TPST1: variants seen among roughly 807,000 people sequenced by gnomAD.
TPST1 encodes protein-tyrosine sulfotransferase 1.
A neutral mutation model predicts 34.8 loss-of-function variants in TPST1; 20 were observed. The ratio of observed to expected loss-of-function variants is 0.57; its 90% confidence interval spans 0.40 to 0.84. TPST1 has a LOEUF of 0.84. TPST1 is among the 40% of genes least tolerant of loss of function. The probability of loss-of-function intolerance (pLI) is 0.00; values close to 1 mark genes in which losing one functional copy is unlikely to be tolerated. For missense variants in TPST1, 353 were observed against 455.5 expected, an observed-to-expected ratio of 0.78 and a Z score of 2.05; for synonymous variants, 152 against 159.4, an observed-to-expected ratio of 0.95 and a Z score of 0.35.
At chr7:66,284,728 T>G (rs1584207308) in intron 2 of TPST1, among the ~76,000 whole-genome samples, 1 of 152,086 alleles carries the variant, frequency 6.6e-6, no homozygotes, top group East Asian at 1.9e-4. Flanking sequence ...GGCTAATTTT[T>G]GTATTTTTAG....
chr7:66,206,690 C>A (rs1789137707), intron 1 of TPST1, among the ~76,000 whole-genome samples: 1 of 152,104 alleles, frequency 6.6e-6, no homozygotes, highest in African/African-American at 2.4e-5. Context: ...GGGTAACTTT[C>A]TTTTTAGGAA....
intron 1 of TPST1, among the ~76,000 whole-genome samples, chr7:66,207,987 C>G (rs1295337500): frequency 6.7e-6 from 1 of 149,596 alleles, no homozygotes; most frequent in Non-Finnish European, 1.5e-5. Context: ...TTTTTTCTCT[C>G]TCTTCATTGC....
intron 3 of TPST1, among the ~76,000 whole-genome samples, chr7:66,337,718 G>A (rs78109750): frequency 0.015 from 2,226 of 152,250 alleles, 62 homozygotes; most frequent in East Asian, 0.093. Flanking sequence ...GGCAATGGCG[G>A]TGTTAAAGTA....
In TPST1 at chr7:66,263,664, CT is replaced by C. The variant is rs1790531962; in HGVS notation, c.845+22399del. ...AGGACGAGCAGTTTGTTATTGTTATCTTTTTAGCCACACAGCATTGTAAATT... is the reference window on the plus strand; with the variant it reads ...AGGACGAGCAGTTTGTTATTGTTATCTTTTAGCCACACAGCATTGTAAATT... On this transcript the variant is annotated intron_variant, in intron 2 of 5. Coordinates refer to ENST00000304842, the MANE Select transcript of TPST1 (RefSeq NM_003596.4). 3.9e-5 allele frequency among the ~76,000 whole-genome samples: 6 copies of C among 152,118 alleles called. No homozygotes were observed. In the South Asian group the frequency reaches 1.2e-3, roughly 31 times the overall value.
chr7:66,342,777 A>G (rs1283171867), intron 3 of TPST1, among the ~76,000 whole-genome samples: 1 of 152,114 alleles, frequency 6.6e-6, no homozygotes, highest in African/African-American at 2.4e-5. Flanking sequence ...TCTTGCGTGA[A>G]CTATAGTTAT....
chr7:66,252,952 C>G (rs183212087), intron 2 of TPST1, among the ~76,000 whole-genome samples: 1 of 152,084 alleles, frequency 6.6e-6, no homozygotes, highest in Non-Finnish European at 1.5e-5. Context: ...ACCAGTTTCC[C>G]GGAACCATCT....
At chr7:66,243,610 ATT>A (rs10627680) in intron 2 of TPST1, among the ~76,000 whole-genome samples, 3 of 123,362 alleles carry the variant, frequency 2.4e-5, no homozygotes, top group Non-Finnish European at 4.9e-5. Context: ...TGCCCAGCTA[ATT>A]TTTTTTTTTT....
chr7:66,232,354 C>T (rs1429605912), intron 1 of TPST1, among the ~76,000 whole-genome samples: 1 of 151,740 alleles, frequency 6.6e-6, no homozygotes, highest in Non-Finnish European at 1.5e-5. Flanking sequence ...AGGCACGTGC[C>T]ACCATGCCTG....
intron 3 of TPST1, among the ~76,000 whole-genome samples, chr7:66,342,335 A>G (rs1792253957): frequency 6.6e-6 from 1 of 152,214 alleles, no homozygotes; most frequent in Admixed American, 6.5e-5. Flanking sequence ...CCAGATTCTC[A>G]GGGTAAAGAG....
At chr7:66,327,441 A>T (rs922858995) in intron 3 of TPST1, among the ~76,000 whole-genome samples, 2 of 152,168 alleles carry the variant, frequency 1.3e-5, no homozygotes, top group African/African-American at 2.4e-5. Context: ...GTATATGTAC[A>T]GCTGGGTGCA....
chr7:66,296,803 A>G (rs1310487029), intron 3 of TPST1, among the ~76,000 whole-genome samples: 5 of 150,996 alleles, frequency 3.3e-5, no homozygotes, highest in African/African-American at 4.9e-5. Flanking sequence ...TGTGACTCAC[A>G]TAGTAAATTG....
At chr7:66,293,023 G>A (rs1357414834) in intron 3 of TPST1, among the ~76,000 whole-genome samples, 4 of 152,046 alleles carry the variant, frequency 2.6e-5, no homozygotes, top group Admixed American at 2.6e-4. Context: ...TGGCTAACAC[G>A]GTGAAACCCC....
intron 2 of TPST1, among the ~76,000 whole-genome samples, chr7:66,253,396 A>C (rs1472160609): frequency 6.9e-6 from 1 of 144,670 alleles, no homozygotes; most frequent in Non-Finnish European, 1.5e-5. Flanking sequence ...TTTGAGACAG[A>C]GTCTCACTCT....
At chr7:66,355,636 C>T (rs1234304120) in intron 4 of TPST1, among the ~76,000 whole-genome samples, 1 of 147,704 alleles carries the variant, frequency 6.8e-6, no homozygotes, top group Non-Finnish European at 1.5e-5. Context: ...GTGGTGGCTC[C>T]CACCTGTAAT....
intron 1 of TPST1, among the ~76,000 whole-genome samples, chr7:66,232,349 C>T (rs931980440): frequency 5.3e-5 from 8 of 151,660 alleles, no homozygotes; most frequent in East Asian, 1.9e-4. Context: ...ACCACAGGCA[C>T]GTGCCACCAT....
At chr7:66,311,367 G>C (rs1450485382) in intron 3 of TPST1, among the ~76,000 whole-genome samples, 1 of 152,106 alleles carries the variant, frequency 6.6e-6, no homozygotes, top group Non-Finnish European at 1.5e-5. Context: ...TCAAACTCCT[G>C]AGCTCAAGTG....
At chr7:66,314,336 A>G (rs1791591828) in intron 3 of TPST1, among the ~76,000 whole-genome samples, 1 of 152,264 alleles carries the variant, frequency 6.6e-6, no homozygotes, top group African/African-American at 2.4e-5. Flanking sequence ...GGAACTCAAG[A>G]CCAGCCTGGG....
intron 1 of TPST1, among the ~76,000 whole-genome samples, chr7:66,236,578 A>G (rs1235517619): frequency 6.6e-6 from 1 of 152,112 alleles, no homozygotes; most frequent in African/African-American, 2.4e-5. Context: ...TACTTCTTAC[A>G]TATATTGATT....
At chr7:66,254,944 G>A (rs867049938) in intron 2 of TPST1, among the ~76,000 whole-genome samples, 30 of 151,662 alleles carry the variant, frequency 2.0e-4, no homozygotes, top group Non-Finnish European at 3.5e-4. Flanking sequence ...TCAGGAGATC[G>A]AGACCATCCT....
Sources: allele counts gnomAD v4.1 joint callset (sites outside exome capture counted in the v4.1 genomes callset), GRCh38; gene constraint gnomAD v4.1.1; transcripts MANE v1.5; gene names NCBI Gene and HGNC (gene_info 2026-07-23, HGNC 2026-07-21).